The following FRYL variants were observed in gnomAD, a reference collection of about 807,000 sequenced individuals.
FRYL encodes the protein FRY like transcription coactivator.
A neutral mutation model predicts 351.2 loss-of-function variants in FRYL; 150 were observed. The ratio of observed to expected loss-of-function variants is 0.43; its 90% CI spans 0.37 to 0.49. FRYL has a LOEUF of 0.49. Among genes scored for constraint, FRYL ranks in the 20% least tolerant of loss-of-function variants. The pLI is 0.00. For synonymous variants in FRYL, 1,153 were observed against 1,257.1 expected (o/e 0.92, Z 1.75); for missense variants, 3,036 against 3,619.3 (o/e 0.84, Z 4.13).
chr4:48,501,555 A>G (rs1487945025), intron 62 of FRYL, 68 bp downstream of exon 62: 3 of 840,480 alleles, frequency 3.6e-6, no homozygotes, highest in East Asian at 5.0e-5. Context: ...TATTTTAACA[A>G]GTAATAGATT....
At chr4:48,693,166 C>T (rs1384057641) in intron 2 of FRYL, among the ~76,000 whole-genome samples, 2 of 152,118 alleles carry the variant, frequency 1.3e-5, no homozygotes, top group Admixed American at 6.5e-5. Context: ...GGTACAATTG[C>T]TTGTCGGTAT....
chr4:48,632,117 T>TA (rs1260217435), intron 4 of FRYL, among the ~76,000 whole-genome samples: 2 of 39,978 alleles, frequency 5.0e-5, no homozygotes, highest in Non-Finnish European at 1.3e-4. Context: ...TATATATATA[T>TA]ATATATATAT....
At chr4:48,735,009 A>T (rs1428303168) in intron 1 of FRYL, among the ~76,000 whole-genome samples, 1 of 148,440 alleles carries the variant, frequency 6.7e-6, no homozygotes, top group Non-Finnish European at 1.5e-5. Flanking sequence ...ACAGCAAAAG[A>T]AACTACCATC....
chr4:48,603,364 G>C lies in FRYL; in HGVS notation c.859C>G (p.Pro287Ala). The part of the protein sequence containing the change: ...AAAVKNEVNV[P>A]CLKNFVEMLY... ...ATCTCCACAAAATTTTTCAAACAGG[G>C]AACATTCACTTCATTTTTAACAGCC... The change falls in exon 12 of 64, where the codon CCC becomes GCC. Residue 287 changes from proline to alanine, a missense_variant. This residue lies in a region of FRYL where 457 missense variants were observed against 566.6 expected (regional missense o/e 0.81). Coordinates refer to ENST00000358350, the MANE Select transcript of FRYL (RefSeq NM_015030.2). 6.2e-7 allele frequency: 1 copy of C among 1,609,602 alleles called. No individual in the cohort carries two copies. Among genetic ancestry groups the C allele is most frequent in the East Asian group, 2.2e-5 (1 of 44,766 alleles).
chr4:48,610,526 G>A (rs1416841736), intron 7 of FRYL, among the ~76,000 whole-genome samples: 17 of 150,668 alleles, frequency 1.1e-4, no homozygotes, highest in East Asian at 5.8e-4. Context: ...TATTTAGAGC[G>A]CCTCCTTATA....
chr4:48,741,035 A>G (rs1236219419), intron 1 of FRYL, among the ~76,000 whole-genome samples: 1 of 152,098 alleles, frequency 6.6e-6, no homozygotes, highest in East Asian at 1.9e-4. Flanking sequence ...ATTTGATGAA[A>G]AAAAAAAAAG....
At chr4:48,577,945 T>A (rs1269869742) in intron 23 of FRYL, among the ~76,000 whole-genome samples, 1 of 150,876 alleles carries the variant, frequency 6.6e-6, no homozygotes, top group Admixed American at 6.6e-5. Context: ...TGAGAACATA[T>A]ATATACAATT....
At chr4:48,660,360 T>C (rs1258262333) in intron 3 of FRYL, among the ~76,000 whole-genome samples, 4 of 152,216 alleles carry the variant, frequency 2.6e-5, no homozygotes, top group African/African-American at 2.4e-5. Flanking sequence ...GGCCCTTGGC[T>C]GGCATCTGAG....
intron 1 of FRYL, among the ~76,000 whole-genome samples, chr4:48,747,162 T>TG (rs10683652): frequency 1.3e-5 from 2 of 150,518 alleles, no homozygotes; most frequent in East Asian, 4.0e-4. Context: ...ATTTCCCCTA[T>TG]CCCCCCCCAA....
At chr4:48,716,197 T>C (rs1215432076) in intron 1 of FRYL, among the ~76,000 whole-genome samples, 5 of 151,700 alleles carry the variant, frequency 3.3e-5, no homozygotes, top group Non-Finnish European at 7.4e-5. Flanking sequence ...GGCATTACCA[T>C]TCAGGACATA....
chr4:48,503,252 G>A (rs1475597677), intron 60 of FRYL, among the ~76,000 whole-genome samples: 1 of 151,750 alleles, frequency 6.6e-6, no homozygotes, highest in African/African-American at 2.4e-5. Context: ...ATTAATTACT[G>A]TTACTTCTCA....
chr4:48,573,744 T>C (rs1738912652), intron 25 of FRYL, among the ~76,000 whole-genome samples: 1 of 151,994 alleles, frequency 6.6e-6, no homozygotes, highest in Admixed American at 6.6e-5. Flanking sequence ...AGAAACAGGG[T>C]TTCTCCATGT....
intron 3 of FRYL, among the ~76,000 whole-genome samples, chr4:48,671,064 C>G (rs1449952774): frequency 6.6e-6 from 1 of 152,142 alleles, no homozygotes; most frequent in African/African-American, 2.4e-5. Context: ...ACATTCCCAT[C>G]AATAGTGTAC....
At chr4:48,759,259 T>C (rs2109362426) in intron 1 of FRYL, among the ~76,000 whole-genome samples, 1 of 152,144 alleles carries the variant, frequency 6.6e-6, no homozygotes, top group South Asian at 2.1e-4. Flanking sequence ...GAAACAGGCT[T>C]CTGAGGCTCA....
chr4:48,690,548 G>A (rs1339107907), intron 2 of FRYL, among the ~76,000 whole-genome samples: 2 of 152,000 alleles, frequency 1.3e-5, no homozygotes, highest in African/African-American at 4.8e-5. Flanking sequence ...ATACGCCCAC[G>A]AGAAACACAC....
chr4:48,686,507 C>T (rs1765164491), intron 2 of FRYL, among the ~76,000 whole-genome samples: 1 of 152,012 alleles, frequency 6.6e-6, no homozygotes, highest in Non-Finnish European at 1.5e-5. Flanking sequence ...CTCCCTCAAA[C>T]CTAAAAAAAA....
intron 4 of FRYL, among the ~76,000 whole-genome samples, chr4:48,632,782 C>G (rs1473704855): frequency 6.6e-6 from 1 of 152,000 alleles, no homozygotes; most frequent in African/African-American, 2.4e-5. Context: ...TCTACTTAAT[C>G]ATTGAGAAGA....
chr4:48,522,482 T>C (rs1368350829), intron 54 of FRYL, among the ~76,000 whole-genome samples: 1 of 152,226 alleles, frequency 6.6e-6, no homozygotes, highest in Non-Finnish European at 1.5e-5. Context: ...AGGCTACTCT[T>C]GCAGCTTTCA....
chr4:48,684,989 A>G (rs1378668672), intron 2 of FRYL, among the ~76,000 whole-genome samples, 194 bp from the exon 3 acceptor site: 1 of 152,200 alleles, frequency 6.6e-6, no homozygotes, highest in African/African-American at 2.4e-5. Context: ...CTAATCCAAA[A>G]TTATTAAGAA....
Sources: allele counts gnomAD v4.1 joint callset (sites outside exome capture counted in the v4.1 genomes callset), GRCh38; gene constraint gnomAD v4.1.1; regional missense constraint gnomAD v4.1.1; transcripts MANE v1.5; gene names NCBI Gene and HGNC (gene_info 2026-07-23, HGNC 2026-07-21).